Variants in USP6NL observed in about 807,000 individuals in gnomAD.
USP6NL encodes the protein USP6 N-terminal-like protein.
USP6NL carries 26 observed loss-of-function variants against 61.9 expected under a neutral mutation model. The ratio of observed to expected loss-of-function variants is 0.42; its 90% CI spans 0.31 to 0.58. The LOEUF (loss-of-function observed/expected upper bound fraction) is 0.58, where lower values mean the gene tolerates loss of function less well. USP6NL is among the 20% of genes least tolerant of loss of function. The pLI, the probability that USP6NL is intolerant of heterozygous loss-of-function variation, is 0.16. For missense variants in USP6NL, 1,114 were observed against 1,034.3 expected, an observed-to-expected ratio of 1.08 and a Z score of -1.06; for synonymous variants, 432 against 390.1, an observed-to-expected ratio of 1.11 and a Z score of -1.27.
chr10:11,541,983 G>C (rs1836084720), intron 2 of USP6NL, among the ~76,000 whole-genome samples: 1 of 152,144 alleles, frequency 6.6e-6, no homozygotes, highest in Non-Finnish European at 1.5e-5. Context: ...TAAGGTTTTA[G>C]ATGGAAAGCT....
At chr10:11,477,381 A>T (rs1442779121) in intron 14 of USP6NL, among the ~76,000 whole-genome samples, 1 of 152,230 alleles carries the variant, frequency 6.6e-6, no homozygotes, top group African/African-American at 2.4e-5. Context: ...GCTTTGCAAA[A>T]CCTTACATAA....
At chr10:11,544,452 T>C (rs553060437) in intron 2 of USP6NL, among the ~76,000 whole-genome samples, 2 of 152,216 alleles carry the variant, frequency 1.3e-5, no homozygotes, top group Admixed American at 6.5e-5. Context: ...CCTGAACTTA[T>C]AGAATGCATT....
intron 14 of USP6NL, among the ~76,000 whole-genome samples, chr10:11,475,950 G>A (rs1343897881): frequency 6.6e-6 from 1 of 152,156 alleles, no homozygotes; most frequent in Admixed American, 6.5e-5. Flanking sequence ...CTAGTTTGCT[G>A]AAACTACACA....
chr10:11,554,656 AGTT>A (rs1836610656), intron 2 of USP6NL, among the ~76,000 whole-genome samples: 2 of 152,164 alleles, frequency 1.3e-5, no homozygotes, highest in South Asian at 4.1e-4. Context: ...GCCTGCAAGA[AGTT>A]AACAGCTGAA....
At chr10:11,554,268 C>G (rs1018782974) in intron 2 of USP6NL, among the ~76,000 whole-genome samples, 1 of 152,144 alleles carries the variant, frequency 6.6e-6, no homozygotes, top group East Asian at 1.9e-4. Context: ...AACTAGAGCT[C>G]AGGGCACAAA....
chr10:11,546,914 T>G (rs987436559), intron 2 of USP6NL, among the ~76,000 whole-genome samples: 1 of 152,250 alleles, frequency 6.6e-6, no homozygotes, highest in Non-Finnish European at 1.5e-5. Flanking sequence ...AAATAATGTC[T>G]GGAATGTGTG....
At chr10:11,588,251 A>G (rs1371046554) in intron 2 of USP6NL, among the ~76,000 whole-genome samples, 1 of 152,262 alleles carries the variant, frequency 6.6e-6, no homozygotes, top group Non-Finnish European at 1.5e-5. Context: ...CACTCAGCTG[A>G]ATCCTGTACT....
Position 11,495,657 on chromosome 10 carries a change from A to G in USP6NL, c.385-2429T>C, listed in dbSNP as rs948903078. 6.6e-6 allele frequency among the ~76,000 whole-genome samples: 1 copy of G among 152,128 alleles called. No individual in the cohort carries two copies. The highest frequency in any genetic ancestry group is 1.5e-5 in the Non-Finnish European group (1 of 68,016). On this transcript the variant is annotated intron_variant, in intron 7 of 14. Coordinates refer to ENST00000609104, the MANE Select transcript of USP6NL (RefSeq NM_014688.5). The surrounding 1 kb of genome is among the most constrained non-coding windows in gnomAD (Gnocchi z 4.6). Reference sequence around the variant, plus strand: ...CTGTTGTTTTTGAGTGTTCCTTTTTATAGCATTCTATACTTGTTTTATGGA... The same window carrying G: ...CTGTTGTTTTTGAGTGTTCCTTTTTGTAGCATTCTATACTTGTTTTATGGA...
chr10:11,555,451 T>TATATATATAGAGAGAGAGAGAG (rs1427219382), intron 2 of USP6NL, among the ~76,000 whole-genome samples: 1 of 61,004 alleles, frequency 1.6e-5, no homozygotes, highest in African/African-American at 8.5e-5. Context: ...TATATATATA[T>TATATATATAGAGAGAGAGAGAG]AGAGAGAGAG....
rs76285323 is a variant in USP6NL, at chr10:11,610,620, C to CT, written c.-84+822dup. Among the ~76,000 whole-genome samples, 494 of 143,566 alleles carry CT rather than the reference C, an allele frequency of 3.4e-3. 5 individuals carry two copies. The East Asian group carries it at 0.039, about 11-fold the overall frequency. The allele number at this position is 143,566 out of a possible 152,430, so 94.2% of individuals were successfully genotyped here. On this transcript the variant is annotated intron_variant, in intron 1 of 14. Transcript: ENST00000609104. Reference sequence around the variant, plus strand: ...CAACATACTTAAGACGGCGTCCTCACTTTTTTTTTTTTTTTCCATTCGTCT... The same window carrying CT: ...CAACATACTTAAGACGGCGTCCTCACTTTTTTTTTTTTTTTTCCATTCGTCT...
At chr10:11,609,279 C>T (rs904827757) in intron 1 of USP6NL, among the ~76,000 whole-genome samples, 1 of 152,140 alleles carries the variant, frequency 6.6e-6, no homozygotes, top group Non-Finnish European at 1.5e-5. Flanking sequence ...GTTAGCCAGG[C>T]TGGTCTTGAA....
At chr10:11,512,185 A>G (rs1170423508) in intron 5 of USP6NL, among the ~76,000 whole-genome samples, 1 of 152,230 alleles carries the variant, frequency 6.6e-6, no homozygotes, top group Admixed American at 6.5e-5. Context: ...ATAGTGTATT[A>G]GAAACTCCAC....
At chr10:11,493,309 T>C in intron 7 of USP6NL, 81 bp from the exon 8 acceptor site, 2 of 1,263,268 alleles carry the variant, frequency 1.6e-6, no homozygotes, top group Non-Finnish European at 2.2e-6. Flanking sequence ...TAATTCTCAT[T>C]AAAAAGTTTT....
intron 2 of USP6NL, among the ~76,000 whole-genome samples, chr10:11,555,044 T>C (rs1836632024): frequency 6.8e-6 from 1 of 147,136 alleles, no homozygotes. Context: ...GACCTCATGA[T>C]CTGCCCAAAG....
In USP6NL at chr10:11,526,000, G is replaced by A. The variant is rs1835398649; in HGVS notation, c.73-532C>T. On this transcript the variant is annotated intron_variant, in intron 3 of 14. Transcript: ENST00000609104. The surrounding 1 kb of genome is among the most constrained non-coding windows in gnomAD (Gnocchi z 5.0). ...AGTCAGACCTGCTGCACGCTCTTCAGGCCTCATCTAACGGATCTCTGAAGC... is the reference window on the plus strand; with the variant it reads ...AGTCAGACCTGCTGCACGCTCTTCAAGCCTCATCTAACGGATCTCTGAAGC... Among the ~76,000 whole-genome samples the A allele has an allele frequency of 6.6e-6, 1 of 152,168 alleles. No individual in the cohort carries two copies. The highest frequency in any genetic ancestry group is 2.1e-4 in the South Asian group (1 of 4,830).
At chr10:11,551,820 T>G (rs1836500470) in intron 2 of USP6NL, among the ~76,000 whole-genome samples, 1 of 152,238 alleles carries the variant, frequency 6.6e-6, no homozygotes, top group African/African-American at 2.4e-5. Flanking sequence ...ACTATTCAAA[T>G]TATTTCACTG....
chr10:11,475,674 T>C (rs543941265), intron 14 of USP6NL, among the ~76,000 whole-genome samples: 59 of 151,410 alleles, frequency 3.9e-4, no homozygotes, highest in South Asian at 1.3e-3. Flanking sequence ...CTGAAGAAAT[T>C]TGATATAGGC....
rs942111457 is a variant in USP6NL at position 11,591,127 on chromosome 10, C to T, written c.4+6504G>A. On this transcript the variant is annotated intron_variant, in intron 2 of 14. Transcript: ENST00000609104. The surrounding 1 kb of genome is among the most constrained non-coding windows in gnomAD (Gnocchi z 4.7). ...CCACTTGCCATACATAACGTGGCTA[C>T]CAGCAGCAAAGCCAGGGTTCCACCT... is the stretch of plus-strand genomic sequence containing the variant. 6.6e-6 allele frequency among the ~76,000 whole-genome samples: 1 copy of T among 152,092 alleles called. No individual in the cohort carries two copies.
In USP6NL at chr10:11,463,415, C is replaced by T; in HGVS notation, c.1513G>A (p.Glu505Lys). Residue 505 changes from glutamate to lysine, a missense_variant, in exon 15 of 15, where the codon GAA becomes AAA. Physicochemically the swap from Glu to Lys is moderately conservative, Grantham distance 56. Transcript: ENST00000609104. This position sits in a 1 kb window ranked among gnomAD's most constrained non-coding sequence, Gnocchi z 6.3. Reference protein sequence around the residue: ...ATERTAKYTMEGKGRAAHPAL... With the variant: ...ATERTAKYTMKGKGRAAHPAL... ...GGGTGCGCTGCTCGACCTTTGCCTT[C>T]CATGGTGTATTTGGCAGTTCTCTCT... 6.2e-7 allele frequency: 1 copy of T among 1,614,052 alleles called. No homozygotes were observed.
Sources: gnomAD v4.1 joint callset for allele counts (sites outside exome capture counted in the v4.1 genomes callset) on GRCh38, gnomAD v4.1.1 for gene constraint, Gnocchi (gnomAD v3.1) non-coding constraint, MANE v1.5 for transcripts, NCBI Gene and HGNC (gene_info 2026-07-23, HGNC 2026-07-21) for gene names.